DNAH9: variants seen among roughly 807,000 people sequenced by gnomAD.
The protein encoded by DNAH9 is DNAH9 variant protein.
A neutral mutation model predicts 471.6 loss-of-function variants in DNAH9; 345 were observed. That is an observed-to-expected ratio of 0.73 (90% CI 0.67 to 0.80). The LOEUF (loss-of-function observed/expected upper bound fraction) is 0.80, where lower values mean the gene tolerates loss of function less well. Among genes scored for constraint, DNAH9 ranks in the 30% least tolerant of loss-of-function variants. The probability of loss-of-function intolerance (pLI) is 0.00; values close to 1 mark genes in which losing one functional copy is unlikely to be tolerated. For synonymous variants in DNAH9, 2,093 were observed against 2,123.6 expected (o/e 0.99, Z 0.40); for missense variants, 5,407 against 5,609.2 (o/e 0.96, Z 1.15).
intron 50 of DNAH9, among the ~76,000 whole-genome samples, chr17:11,863,133 T>C (rs1274506485): frequency 1.3e-5 from 2 of 152,228 alleles, no homozygotes; most frequent in African/African-American, 2.4e-5. Context: ...TTTTTGCCCA[T>C]TCAGTATGAT....
intron 43 of DNAH9, among the ~76,000 whole-genome samples, chr17:11,802,872 T>C (rs1969519622): frequency 6.6e-6 from 1 of 152,184 alleles, no homozygotes; most frequent in Non-Finnish European, 1.5e-5. Flanking sequence ...TCTGCAGTTT[T>C]GATGCTGAAC....
In DNAH9 at chr17:11,651,303, A is replaced by G. The variant is rs748220091; in HGVS notation, c.2332A>G (p.Thr778Ala). 1.1e-5 allele frequency: 17 copies of G among 1,613,334 alleles called. No homozygotes were observed. Among genetic ancestry groups the G allele is most frequent in the Non-Finnish European group, 1.4e-5 (17 of 1,179,698 alleles). The change falls in exon 13 of 69, where the codon ACT becomes GCT. Residue 778 changes from threonine to alanine, a missense_variant. Coordinates refer to ENST00000262442, the MANE Select transcript of DNAH9 (RefSeq NM_001372.4). Reference protein sequence around the residue: ...IDLRLRAAEETLNWKTEGICD... With the variant: ...IDLRLRAAEEALNWKTEGICD... The stretch of plus-strand genomic sequence containing the variant: ...TCTCCGCCTCAGAGCAGCAGAGGAG[A>G]CTTTGAACTGGAAAACAGAAGGTAA...
At chr17:11,629,801 A>C (rs1405387015) in intron 7 of DNAH9, among the ~76,000 whole-genome samples, 1 of 152,210 alleles carries the variant, frequency 6.6e-6, no homozygotes, top group Non-Finnish European at 1.5e-5. Context: ...AAGATCAAGG[A>C]GGCCTCTTCC....
At chr17:11,965,273 T>C (rs1976606782) in intron 68 of DNAH9, among the ~76,000 whole-genome samples, 1 of 152,236 alleles carries the variant, frequency 6.6e-6, no homozygotes, top group African/African-American at 2.4e-5. Flanking sequence ...AGTTTTAAAC[T>C]GCCTGGCTAA....
intron 26 of DNAH9, among the ~76,000 whole-genome samples, chr17:11,711,091 C>G (rs967776254): frequency 6.6e-6 from 1 of 152,202 alleles, no homozygotes; most frequent in African/African-American, 2.4e-5. Context: ...GATAGACCCT[C>G]TCTTGCCTGG....
At chr17:11,792,885 A>G (rs1969111927) in intron 41 of DNAH9, among the ~76,000 whole-genome samples, 1 of 152,196 alleles carries the variant, frequency 6.6e-6, no homozygotes, top group Non-Finnish European at 1.5e-5. Flanking sequence ...TTTCTCTCTG[A>G]ATTCCAATCT....
At chr17:11,639,369 C>T (rs567580757) in intron 9 of DNAH9, among the ~76,000 whole-genome samples, 2 of 152,368 alleles carry the variant, frequency 1.3e-5, no homozygotes, top group East Asian at 1.9e-4. Context: ...TGCTAATCTT[C>T]TCATTTTACC....
At chr17:11,653,102 G>T in intron 14 of DNAH9, 100 bp downstream of exon 14, 4 of 1,259,766 alleles carry the variant, frequency 3.2e-6, no homozygotes, top group Non-Finnish European at 4.4e-6. Flanking sequence ...AGTAAGTGCA[G>T]TGTCTTCCGA....
intron 1 of DNAH9, among the ~76,000 whole-genome samples, chr17:11,607,541 G>A (rs557695476): frequency 4.5e-4 from 69 of 152,122 alleles, no homozygotes; most frequent in African/African-American, 1.6e-3. Flanking sequence ...ACTGTGCCTC[G>A]TCCTCTTGAT....
At chr17:11,852,860 A>G (rs1166769811) in intron 49 of DNAH9, among the ~76,000 whole-genome samples, 1 of 120,172 alleles carries the variant, frequency 8.3e-6, no homozygotes, top group Non-Finnish European at 1.8e-5. Flanking sequence ...ATATATATAT[A>G]TGAAAGTGTG....
chr17:11,689,643 C>G lies in DNAH9; in HGVS notation c.3821C>G (p.Ser1274Cys). Residue 1274 changes from serine to cysteine, a missense_variant, in exon 20 of 69, where the codon TCC becomes TGC. Ser to Cys is a moderately radical substitution (Grantham distance 112). Coordinates refer to ENST00000262442, the MANE Select transcript of DNAH9 (RefSeq NM_001372.4). ...CAGCAGATGGAATCCACTATGGCCT[C>G]CATTTCTGAGTCTGCCAGCTTATTT... ...EIQQMESTMA[S>C]ISESASLFEV... 1 of 1,614,108 alleles carries G rather than the reference C, an allele frequency of 6.2e-7. No individual in the cohort carries two copies. Among genetic ancestry groups the G allele is most frequent in the Non-Finnish European group, 8.5e-7 (1 of 1,180,004 alleles).
intron 14 of DNAH9, among the ~76,000 whole-genome samples, chr17:11,656,756 C>G (rs1409954368): frequency 6.6e-6 from 1 of 152,142 alleles, no homozygotes; most frequent in African/African-American, 2.4e-5. Flanking sequence ...CAATACATCC[C>G]CATTCTCCTG....
chr17:11,937,496 G>A lies in DNAH9; in HGVS notation c.12634G>A (p.Gly4212Arg), dbSNP rs756969119. ...GCCTCGGGACAGCCAGGCCAGAGAC[G>A]GAGCGGGCGCCACAAGAGAAGAAAA... ...LQPRDSQARDGAGATREEKVK... is the reference protein window; with the variant it reads ...LQPRDSQARDRAGATREEKVK... The change falls in exon 66 of 69, where the codon GGA becomes AGA. Residue 4212 changes from glycine (G) to arginine (R), a missense_variant. By Grantham distance (125) the Gly-to-Arg change is moderately radical. Transcript: ENST00000262442. The surrounding 1 kb of genome is among the most constrained non-coding windows in gnomAD (Gnocchi z 4.1). 31 of 1,613,004 alleles carry A rather than the reference G, an allele frequency of 1.9e-5. No individual in the cohort carries two copies. The Middle Eastern group carries it at 6.6e-4, about 35-fold the overall frequency.
rs543914194 is a variant in DNAH9 at position 11,948,291 on chromosome 17, C to T, written c.12843+5806C>T. Among the ~76,000 whole-genome samples, 9 of 142,160 alleles carry T rather than the reference C, an allele frequency of 6.3e-5. No homozygotes were observed. In the South Asian group the frequency reaches 8.9e-4, roughly 14 times the overall value. The allele number at this position is 142,160 out of a possible 152,430, so 93.3% of individuals were successfully genotyped here. A position where few individuals can be genotyped will look rare whatever the true frequency, so the allele number is the denominator to read the frequency against. ...GTTGCCAGGCTGGAGTGCAGTGACA[C>T]GATCTCGGCTCACTGCAAGCTCCAC... On this transcript the variant is annotated intron_variant, in intron 67 of 68. Coordinates refer to ENST00000262442, the MANE Select transcript of DNAH9 (RefSeq NM_001372.4).
At chr17:11,955,474 G>T (rs1390948782) in intron 67 of DNAH9, among the ~76,000 whole-genome samples, 3 of 152,130 alleles carry the variant, frequency 2.0e-5, no homozygotes, top group African/African-American at 7.2e-5. Context: ...GTTTAGAACT[G>T]CCAGATCCAA....
chr17:11,963,398 C>A (rs1976405797), intron 68 of DNAH9, among the ~76,000 whole-genome samples: 1 of 151,072 alleles, frequency 6.6e-6, no homozygotes, highest in Non-Finnish European at 1.5e-5. Flanking sequence ...CGCACCATTG[C>A]ATTCCAGCCT....
intron 33 of DNAH9, among the ~76,000 whole-genome samples, chr17:11,754,338 T>C (rs184747038): frequency 1.6e-3 from 243 of 152,340 alleles, no homozygotes; most frequent in African/African-American, 5.5e-3. Context: ...TCTGGATATA[T>C]GTCCAGTAAT....
chr17:11,699,105 T>C (rs983577253), intron 22 of DNAH9, among the ~76,000 whole-genome samples: 2 of 151,926 alleles, frequency 1.3e-5, no homozygotes, highest in African/African-American at 4.8e-5. Flanking sequence ...AAAAATTAGC[T>C]GGGCATGGTG....
At chr17:11,855,126 TC>T (rs1218010064) in intron 50 of DNAH9, among the ~76,000 whole-genome samples, 1 of 151,974 alleles carries the variant, frequency 6.6e-6, no homozygotes, top group Non-Finnish European at 1.5e-5. Context: ...GGTCTTGAAC[TC>T]CCGGGCTCAA....
Sources: gnomAD v4.1 joint callset for allele counts (sites outside exome capture counted in the v4.1 genomes callset) on GRCh38, gnomAD v4.1.1 for gene constraint, Gnocchi (gnomAD v3.1) non-coding constraint, MANE v1.5 for transcripts, NCBI Gene and HGNC (gene_info 2026-07-23, HGNC 2026-07-21) for gene names.